CZIB: variants seen among roughly 807,000 people sequenced by gnomAD.
The protein encoded by CZIB is CXXC motif containing zinc binding protein, also known as UPF0587 protein C1orf123.
Under a neutral mutation model 28.3 loss-of-function variants are expected in CZIB, and 26 were observed. The observed-to-expected ratio is 0.92, with a 90% CI of 0.67 to 1.27. The LOEUF (loss-of-function observed/expected upper bound fraction) is 1.27. Ranked by LOEUF, CZIB falls within the 50% of genes most tolerant of loss-of-function variation. CZIB has a pLI of 0.00. For synonymous variants in CZIB, 78 were observed against 71.1 expected, an observed-to-expected ratio of 1.10 and a Z score of -0.49; for missense variants, 179 against 197.3, an observed-to-expected ratio of 0.91 and a Z score of 0.56.
At chr1:53,216,195 T>C (rs957591641) in intron 6 of CZIB, 139 bp from the exon 7 acceptor site, 18 of 733,588 alleles carry the variant, frequency 2.5e-5, no homozygotes, top group Non-Finnish European at 3.7e-5. Context: ...TGTCTTGGAA[T>C]AACTGCTGAG....
rs532907577 is a variant in CZIB at position 53,220,218 on chromosome 1, A to G, written c.90+43T>C. The G allele has an allele frequency of 8.4e-6, 13 of 1,556,004 alleles. No individual in the cohort carries two copies. The South Asian group carries it at 1.4e-4, about 17-fold the overall frequency. On this transcript the variant is annotated intron_variant, in intron 2 of 7. Coordinates refer to ENST00000294360, the MANE Select transcript of CZIB (RefSeq NM_017887.3). ...GAGAAGGCTCCGGTTCAGCACTGAG[A>G]TCAGGACGGGCCTCCTCTCCCCGGG...
At chr1:53,220,186 T>G in intron 2 of CZIB, 75 bp downstream of exon 2, 1 of 1,292,864 alleles carries the variant, frequency 7.7e-7, no homozygotes, top group Non-Finnish European at 1.1e-6. Flanking sequence ...TTTCTCATAC[T>G]GCCGGAGAGA....
chr1:53,215,923 T>C (rs899860784), intron 7 of CZIB, 68 bp downstream of exon 7: 21 of 1,517,818 alleles, frequency 1.4e-5, no homozygotes, highest in Admixed American at 1.0e-4. Context: ...TTGATGAGCC[T>C]TGTCCACCAA....
chr1:53,214,705 T>C lies in CZIB; in HGVS notation c.437A>G (p.Glu146Gly). 1 of 1,614,124 alleles carries C rather than the reference T, an allele frequency of 6.2e-7. No individual in the cohort carries two copies. ...DWTDYDEKAQESVGIYEVTHQ... is the reference protein window; with the variant it reads ...DWTDYDEKAQGSVGIYEVTHQ... Reference sequence around the variant, plus strand: ...GGTGACCTCATAGATTCCCACAGACTCCTGGGCCTTTTCATCATAGTCAGT... The same window carrying C: ...GGTGACCTCATAGATTCCCACAGACCCCTGGGCCTTTTCATCATAGTCAGT... Residue 146 changes from glutamate (E) to glycine (G), a missense_variant, in exon 8 of 8, where the codon GAG becomes GGG. Transcript: ENST00000294360.
chr1:53,218,229 T>G (rs200312423), intron 4 of CZIB, 26 bp from the exon 5 acceptor site: 29 of 1,613,768 alleles, frequency 1.8e-5, no homozygotes, highest in East Asian at 4.5e-5. Flanking sequence ...GAACACAAAG[T>G]TGACTTGAGT....
chr1:53,215,607 G>A (rs934972752), intron 7 of CZIB, among the ~76,000 whole-genome samples: 6 of 152,112 alleles, frequency 3.9e-5, no homozygotes, highest in Non-Finnish European at 8.8e-5. Context: ...TACTCCCCGG[G>A]GAAATACAGG....
At chr1:53,217,012 C>T (rs376828195) in intron 5 of CZIB, 153 bp from the exon 6 acceptor site, 4 of 634,496 alleles carry the variant, frequency 6.3e-6, no homozygotes, top group African/African-American at 3.6e-5. Flanking sequence ...GGAAGCCTGC[C>T]TTGGGCACCT....
At chr1:53,216,645 C>T in intron 6 of CZIB, 137 bp downstream of exon 6, 2 of 755,286 alleles carry the variant, frequency 2.6e-6, no homozygotes, top group Non-Finnish European at 4.5e-6. Flanking sequence ...ATACAGCAGC[C>T]ACTTAAGGGA....
chr1:53,216,168 G>A (rs1225073086), intron 6 of CZIB, 112 bp from the exon 7 acceptor site: 4 of 936,924 alleles, frequency 4.3e-6, no homozygotes, highest in Non-Finnish European at 5.1e-6. Context: ...GGAGGACAGA[G>A]ATGCAGTATG....
intron 6 of CZIB, among the ~76,000 whole-genome samples, 178 bp from the exon 7 acceptor site, chr1:53,216,234 CT>C (rs1455704184): frequency 2.0e-5 from 3 of 152,180 alleles, no homozygotes; most frequent in Non-Finnish European, 2.9e-5. Context: ...TGCCTCAGAA[CT>C]AGAGTGGTGG....
intron 2 of CZIB, chr1:53,219,149 G>A (rs548204260): frequency 7.3e-6 from 4 of 551,072 alleles, no homozygotes; most frequent in Non-Finnish European, 1.3e-5. Context: ...TCTATGAAGT[G>A]CTCAGTGTGG....
rs770439959 is a variant in CZIB, at chr1:53,218,411, T to C, written c.229+3A>G. 3 of 1,614,096 alleles carry C rather than the reference T, an allele frequency of 1.9e-6. No individual in the cohort carries two copies. Among genetic ancestry groups the C allele is most frequent in the Non-Finnish European group, 2.5e-6 (3 of 1,180,046 alleles). On this transcript the variant is annotated splice_donor_region_variant and intron_variant, in intron 4 of 7. Coordinates refer to ENST00000294360, the MANE Select transcript of CZIB (RefSeq NM_017887.3). ...AGAACTCAGTACGCACAGCCTGACC[T>C]ACCGATGGAATTTTCTCTTGCACAC... is the stretch of plus-strand genomic sequence containing the variant.
At chr1:53,218,952 A>C in intron 2 of CZIB, 29 bp from the exon 3 acceptor site, 1 of 1,600,992 alleles carries the variant, frequency 6.2e-7, no homozygotes, top group African/African-American at 1.3e-5. Context: ...TTAGTAAAGC[A>C]GCTGGCTCTG....
In CZIB at chr1:53,214,395, T is replaced by A; in HGVS notation, c.*264A>T. ...TCCTTAAAAATACTCTTCATTTTCC[T>A]AAGGAGTGAACTGCTGCTGCACGAA... is the stretch of plus-strand genomic sequence containing the variant. On this transcript the variant is annotated 3_prime_UTR_variant, in exon 8 of 8. Transcript: ENST00000294360. 2.3e-6 allele frequency: 1 copy of A among 438,626 alleles called. No individual in the cohort carries two copies. The highest frequency in any genetic ancestry group is 4.1e-6 in the Non-Finnish European group (1 of 242,314). 27.2% of individuals were successfully genotyped at this position (438,626 alleles called of 1,614,324 possible). A position where few individuals can be genotyped will look rare whatever the true frequency, so the allele number is the denominator to read the frequency against.
rs772571694 is a variant in CZIB, at chr1:53,220,352, G to A, written c.7-8C>T. 1.3e-5 allele frequency: 21 copies of A among 1,611,736 alleles called. No individual in the cohort carries two copies. The highest frequency in any genetic ancestry group is 1.6e-4 in the Middle Eastern group (1 of 6,082). On this transcript the variant is annotated splice_region_variant and splice_polypyrimidine_tract_variant and intron_variant, in intron 1 of 7. Transcript: ENST00000294360. ...GAGTTGCAGCGCGATTTTCTGAGGG[G>A]GAGGGCCAGAGCGACTGCGTCAGCC...
chr1:53,218,853 C>G lies in CZIB; in HGVS notation c.147+14G>C, dbSNP rs436887. On this transcript the variant is annotated intron_variant, in intron 3 of 7. Transcript: ENST00000294360. ...GTGAGTGTTTATGTTGGGGGTTGGGCGGGGAACAGTTACCATCAGCCGGAT... is the reference window on the plus strand; with the variant it reads ...GTGAGTGTTTATGTTGGGGGTTGGGGGGGGAACAGTTACCATCAGCCGGAT... The G allele has an allele frequency of 0.72, 1,155,260 of 1,599,724 alleles. 422,806 individuals carry two copies. The highest frequency in any genetic ancestry group is 1 in the East Asian group (44,660 of 44,748).
chr1:53,217,309 A>G (rs1645480582), intron 5 of CZIB: 1 of 161,984 alleles, frequency 6.2e-6, no homozygotes, highest in Admixed American at 6.0e-5. Context: ...TCATCCAAAC[A>G]GACCCAGTAC....
chr1:53,218,855 G>A lies in CZIB; in HGVS notation c.147+12C>T, dbSNP rs1645491898. The A allele has an allele frequency of 1.2e-6, 2 of 1,610,372 alleles. No individual in the cohort carries two copies. The highest frequency in any genetic ancestry group is 2.7e-5 in the African/African-American group (2 of 74,728). ...GAGTGTTTATGTTGGGGGTTGGGCG[G>A]GGAACAGTTACCATCAGCCGGATGT... On this transcript the variant is annotated intron_variant, in intron 3 of 7. Transcript: ENST00000294360.
rs1275443130 is a variant in CZIB at position 53,220,572 on chromosome 1, C to T, written c.4G>A (p.Gly2Arg). The T allele has an allele frequency of 1.3e-6, 2 of 1,598,694 alleles. No individual in the cohort carries two copies. Among genetic ancestry groups the T allele is most frequent in the Non-Finnish European group, 1.7e-6 (2 of 1,179,460 alleles). The change falls in exon 1 of 8, where the codon GGG becomes AGG. Residue 2 changes from glycine (G) to arginine (R), a missense_variant and splice_region_variant. By Grantham distance (125) the Gly-to-Arg change is moderately radical. Coordinates refer to ENST00000294360, the MANE Select transcript of CZIB (RefSeq NM_017887.3). M[G>R]KIALQLKATL... ...CGCGGCGGGCGGCCTCCCCTCACCC[C>T]CATGGTAGCCCTCTCCGCCCGGTGC... is the stretch of plus-strand genomic sequence containing the variant.
Sources: allele counts gnomAD v4.1 joint callset (sites outside exome capture counted in the v4.1 genomes callset), GRCh38; gene constraint gnomAD v4.1.1; transcripts MANE v1.5; gene names NCBI Gene and HGNC (gene_info 2026-07-23, HGNC 2026-07-21).